GUCY1A2: variants seen among roughly 807,000 people sequenced by gnomAD.
The protein encoded by GUCY1A2 is guanylate cyclase soluble subunit alpha-2.
A neutral mutation model predicts 63.5 loss-of-function variants in GUCY1A2; 27 were observed. The ratio of observed to expected loss-of-function variants is 0.43; its 90% CI spans 0.31 to 0.59. The LOEUF (loss-of-function observed/expected upper bound fraction) is 0.59, where lower values mean the gene tolerates loss of function less well. Among genes scored for constraint, GUCY1A2 ranks in the 20% least tolerant of loss-of-function variants. The probability of loss-of-function intolerance (pLI) is 0.11; values close to 1 mark genes in which losing one functional copy is unlikely to be tolerated. For missense variants in GUCY1A2, 768 were observed against 913.3 expected, an observed-to-expected ratio of 0.84 and a Z score of 2.05; for synonymous variants, 364 against 343.5, an observed-to-expected ratio of 1.06 and a Z score of -0.66.
rs1172228512 is a variant in GUCY1A2 at position 106,687,301 on chromosome 11, T to C, written c.*248A>G. ...AGGGGACCCACACTTGTAATTAAAATATATGTGTATATATATGACCAAAAC... is the reference window on the plus strand; with the variant it reads ...AGGGGACCCACACTTGTAATTAAAACATATGTGTATATATATGACCAAAAC... On this transcript the variant is annotated 3_prime_UTR_variant, in exon 8 of 8. Coordinates refer to ENST00000526355, the MANE Select transcript of GUCY1A2 (RefSeq NM_000855.3). 2.3e-6 allele frequency: 1 copy of C among 429,942 alleles called. No homozygotes were observed. Among genetic ancestry groups the C allele is most frequent in the Non-Finnish European group, 4.2e-6 (1 of 240,668 alleles). The allele number at this position is 429,942 out of a possible 1,614,324, so 26.6% of individuals were successfully genotyped here.
At chr11:106,972,514 G>C (rs1309841124) in intron 3 of GUCY1A2, among the ~76,000 whole-genome samples, 4 of 152,026 alleles carry the variant, frequency 2.6e-5, no homozygotes, top group Admixed American at 6.6e-5. Context: ...AAAGCTGCTA[G>C]TGATAGCGAA....
chr11:106,930,704 T>C (rs1163059863), intron 4 of GUCY1A2, among the ~76,000 whole-genome samples: 1 of 152,224 alleles, frequency 6.6e-6, no homozygotes, highest in Non-Finnish European at 1.5e-5. Context: ...CCTTGAAAAG[T>C]AAAACTGTAA....
chr11:106,746,185 G>C (rs1863784337), intron 6 of GUCY1A2, among the ~76,000 whole-genome samples: 1 of 151,900 alleles, frequency 6.6e-6, no homozygotes, highest in Non-Finnish European at 1.5e-5. Flanking sequence ...GTAGCTCATA[G>C]TGGAGGGAAA....
intron 5 of GUCY1A2, among the ~76,000 whole-genome samples, chr11:106,796,903 C>T (rs1293622774): frequency 6.6e-6 from 1 of 152,204 alleles, no homozygotes; most frequent in East Asian, 1.9e-4. Context: ...CTGTCACTTT[C>T]AGGCACACCA....
At position 106,680,811 on chromosome 11, in the gene GUCY1A2, G is replaced by C. The variant is rs945634037; in HGVS notation, c.*6738C>G. ...ATCGAACACACCCACCATTCAAATG[G>C]GTTCATATTCATGTTTAGGGGATTG... On this transcript the variant is annotated 3_prime_UTR_variant, in exon 8 of 8. Transcript: ENST00000526355. 1 of 207,786 alleles carries C rather than the reference G, an allele frequency of 4.8e-6. No homozygotes were observed. The highest frequency in any genetic ancestry group is 7.2e-5 in the East Asian group (1 of 13,836). 12.9% of individuals were successfully genotyped at this position (207,786 alleles called of 1,614,324 possible). A position where few individuals can be genotyped will look rare whatever the true frequency, so the allele number is the denominator to read the frequency against.
intron 1 of GUCY1A2, among the ~76,000 whole-genome samples, chr11:107,002,506 C>T (rs1006276032): frequency 1.3e-4 from 19 of 151,754 alleles, no homozygotes; most frequent in Non-Finnish European, 2.8e-4. Context: ...CTAATACAAA[C>T]ACAAATAAAA....
At chr11:106,713,331 T>TA (rs1038228375) in intron 6 of GUCY1A2, among the ~76,000 whole-genome samples, 3 of 152,010 alleles carry the variant, frequency 2.0e-5, no homozygotes, top group Non-Finnish European at 2.9e-5. Context: ...ACCTACTTTT[T>TA]AAAAAAAGTA....
At chr11:106,728,108 C>T (rs920361094) in intron 6 of GUCY1A2, among the ~76,000 whole-genome samples, 3 of 152,136 alleles carry the variant, frequency 2.0e-5, no homozygotes, top group East Asian at 1.9e-4. Context: ...CTTAAAACAC[C>T]GCATGCCTTC....
At chr11:106,826,573 G>A in intron 4 of GUCY1A2, 1 of 1,600,140 alleles carries the variant, frequency 6.2e-7, no homozygotes, top group Non-Finnish European at 8.6e-7. Flanking sequence ...TTGTCCTTTG[G>A]TACATCTCAG....
chr11:106,823,921 T>G (rs1858934469), intron 4 of GUCY1A2: 1 of 392,058 alleles, frequency 2.6e-6, no homozygotes, highest in Admixed American at 4.6e-5. Context: ...TTTAAAGGCT[T>G]TATTTGCATT....
At chr11:106,721,218 C>T (rs1009027526) in intron 6 of GUCY1A2, among the ~76,000 whole-genome samples, 1 of 151,980 alleles carries the variant, frequency 6.6e-6, no homozygotes, top group South Asian at 2.1e-4. Context: ...GCCACCATGC[C>T]CGGCTAATTT....
At chr11:106,691,181 CTGAA>C (rs1250097897) in intron 7 of GUCY1A2, among the ~76,000 whole-genome samples, 2 of 152,054 alleles carry the variant, frequency 1.3e-5, no homozygotes, top group Admixed American at 6.6e-5. Context: ...AAATAGTCCT[CTGAA>C]TGGAGACGAG....
At chr11:106,730,339 C>T (rs1863481830) in intron 6 of GUCY1A2, among the ~76,000 whole-genome samples, 1 of 151,712 alleles carries the variant, frequency 6.6e-6, no homozygotes, top group Admixed American at 6.6e-5. Flanking sequence ...GTTTAGCTCA[C>T]ACTTAAAAGT....
At chr11:106,756,312 CTG>C (rs1863973039) in intron 6 of GUCY1A2, among the ~76,000 whole-genome samples, 2 of 152,284 alleles carry the variant, frequency 1.3e-5, no homozygotes, top group South Asian at 4.1e-4. Context: ...ATTTGCTAGT[CTG>C]TGTCTTTTAA....
At chr11:107,009,060 G>C (rs983535367) in intron 1 of GUCY1A2, among the ~76,000 whole-genome samples, 4 of 152,174 alleles carry the variant, frequency 2.6e-5, no homozygotes, top group Non-Finnish European at 4.4e-5. Context: ...TAGATTATTA[G>C]AGTTGTCTGC....
At chr11:106,793,968 T>C (rs1394307814) in intron 5 of GUCY1A2, among the ~76,000 whole-genome samples, 1 of 152,024 alleles carries the variant, frequency 6.6e-6, no homozygotes, top group Non-Finnish European at 1.5e-5. Context: ...AAAGTAAAAT[T>C]ATAATTTTCA....
intron 3 of GUCY1A2, among the ~76,000 whole-genome samples, chr11:106,942,425 C>T (rs1485509754): frequency 1.3e-5 from 2 of 152,276 alleles, no homozygotes; most frequent in East Asian, 1.9e-4. Context: ...TATACACATT[C>T]AATGACAGTC....
chr11:106,939,787 G>C lies in GUCY1A2; in HGVS notation c.879C>G (p.Ile293Met). The change falls in exon 4 of 8, where the codon ATC (isoleucine) becomes ATG (methionine). Residue 293 changes from isoleucine (I) to methionine (M), a missense_variant. Physicochemically the swap from Ile to Met is conservative, Grantham distance 10. Around this residue, in one of 3 missense-constraint regions of GUCY1A2, gnomAD observed 496 missense variants for 486.9 expected, o/e 1.02. Transcript: ENST00000526355. ...PGNCSCLTFLIKECENTNIMK... is the reference protein window; with the variant it reads ...PGNCSCLTFLMKECENTNIMK... ...TGATATTAGTATTTTCACATTCTTTGATAAGGAAAGTAAGACAGCTACAAT... is the reference window on the plus strand; with the variant it reads ...TGATATTAGTATTTTCACATTCTTTCATAAGGAAAGTAAGACAGCTACAAT... 1 of 1,613,844 alleles carries C rather than the reference G, an allele frequency of 6.2e-7. No individual in the cohort carries two copies. Among genetic ancestry groups the C allele is most frequent in the Non-Finnish European group, 8.5e-7 (1 of 1,179,728 alleles).
intron 4 of GUCY1A2, among the ~76,000 whole-genome samples, chr11:106,828,777 T>A (rs912714246): frequency 3.3e-5 from 5 of 152,160 alleles, no homozygotes; most frequent in African/African-American, 9.6e-5. Flanking sequence ...TTCAAAAGAA[T>A]GAAGACTAGA....
Sources: allele counts gnomAD v4.1 joint callset (sites outside exome capture counted in the v4.1 genomes callset), GRCh38; gene constraint gnomAD v4.1.1; regional missense constraint gnomAD v4.1.1; transcripts MANE v1.5; gene names NCBI Gene and HGNC (gene_info 2026-07-23, HGNC 2026-07-21).